Variants in TNNI3K observed in about 807,000 individuals in gnomAD.
The protein encoded by TNNI3K is TNNI3 interacting kinase, also known as serine/threonine-protein kinase TNNI3K.
Under a neutral mutation model 114.5 loss-of-function variants are expected in TNNI3K, and 140 were observed. The ratio of observed to expected loss-of-function variants is 1.22; its 90% CI spans 1.07 to 1.41. TNNI3K has a LOEUF of 1.41. Ranked by LOEUF, TNNI3K falls within the 40% of genes most tolerant of loss-of-function variation. The pLI is 0.00. For synonymous variants in TNNI3K, 347 were observed against 347.5 expected, an observed-to-expected ratio of 1.00 and a Z score of 0.02; for missense variants, 1,125 against 1,007.6, an observed-to-expected ratio of 1.12 and a Z score of -1.58.
intron 4 of TNNI3K, among the ~76,000 whole-genome samples, chr1:74,264,361 G>A (rs1655847138): frequency 6.6e-6 from 1 of 151,916 alleles, no homozygotes; most frequent in Non-Finnish European, 1.5e-5. Context: ...GATGCACGAG[G>A]CAGCTCTAGT....
chr1:74,366,404 A>G (rs752326156), intron 11 of TNNI3K, among the ~76,000 whole-genome samples: 27 of 152,058 alleles, frequency 1.8e-4, no homozygotes, highest in Non-Finnish European at 3.2e-4. Context: ...CTTCACAATC[A>G]TAAGCCCCTA....
chr1:74,356,569 T>TA (rs1241427491), intron 11 of TNNI3K, among the ~76,000 whole-genome samples: 1 of 152,216 alleles, frequency 6.6e-6, no homozygotes, highest in African/African-American at 2.4e-5. Context: ...AGCTTCAGTG[T>TA]AAGACTGTTT....
At chr1:74,257,946 C>A (rs183206643) in intron 4 of TNNI3K, among the ~76,000 whole-genome samples, 1 of 152,114 alleles carries the variant, frequency 6.6e-6, no homozygotes, top group Admixed American at 6.5e-5. Flanking sequence ...GGATTACAGG[C>A]GTGAGCCACC....
chr1:74,415,747 T>TTC (rs1553143562), intron 17 of TNNI3K, among the ~76,000 whole-genome samples: 5 of 151,498 alleles, frequency 3.3e-5, no homozygotes, highest in East Asian at 1.9e-4. Flanking sequence ...GTTTTTTTTT[T>TTC]CCCCAGTGAT....
intron 11 of TNNI3K, among the ~76,000 whole-genome samples, chr1:74,355,648 G>T (rs1462832658): frequency 1.3e-5 from 2 of 151,460 alleles, no homozygotes; most frequent in Non-Finnish European, 1.5e-5. Flanking sequence ...AATAAATAAA[G>T]TGGGATATGA....
At chr1:74,469,658 C>G (rs1345302252) in intron 21 of TNNI3K, 1 of 366,462 alleles carries the variant, frequency 2.7e-6, no homozygotes, top group Non-Finnish European at 4.8e-6. Flanking sequence ...CTTAGAGAAG[C>G]ATACTCAGTT....
At chr1:74,490,361 C>T (rs762253036) in intron 22 of TNNI3K, among the ~76,000 whole-genome samples, 1 of 152,126 alleles carries the variant, frequency 6.6e-6, no homozygotes, top group Non-Finnish European at 1.5e-5. Context: ...ACCTTCAAGA[C>T]TTGAATTTAA....
intron 4 of TNNI3K, among the ~76,000 whole-genome samples, chr1:74,259,514 G>A (rs562360637): frequency 4.6e-5 from 7 of 152,312 alleles, no homozygotes; most frequent in African/African-American, 1.7e-4. Flanking sequence ...GGGCATAGTG[G>A]CTCATGCCTG....
chr1:74,497,943 T>G (rs1669417084), intron 23 of TNNI3K, among the ~76,000 whole-genome samples: 1 of 152,198 alleles, frequency 6.6e-6, no homozygotes, highest in Non-Finnish European at 1.5e-5. Context: ...GCTCTCTCTC[T>G]TCTCAGATGC....
chr1:74,498,544 T>G (rs1280907149), intron 23 of TNNI3K, among the ~76,000 whole-genome samples: 1 of 152,202 alleles, frequency 6.6e-6, no homozygotes, highest in East Asian at 1.9e-4. Context: ...TTAAATATTT[T>G]TATTTATAAT....
intron 2 of TNNI3K, among the ~76,000 whole-genome samples, 182 bp downstream of exon 2, chr1:74,236,392 A>G (rs947487895): frequency 1.3e-5 from 2 of 151,724 alleles, no homozygotes; most frequent in African/African-American, 2.4e-5. Context: ...TGCAAACATA[A>G]CATCTCACCT....
chr1:74,442,226 A>G (rs1199850351), intron 20 of TNNI3K, among the ~76,000 whole-genome samples: 2 of 151,836 alleles, frequency 1.3e-5, no homozygotes, highest in Non-Finnish European at 2.9e-5. Context: ...CAAAACTACT[A>G]TCCTTTCTTA....
chr1:74,376,792 T>C (rs554746682), intron 17 of TNNI3K: 4 of 151,646 alleles, frequency 2.6e-5, no homozygotes, highest in South Asian at 4.2e-4. Context: ...TTACAAACTT[T>C]CCTGAAGAAT....
intron 21 of TNNI3K, chr1:74,475,256 T>C (rs1668135981): frequency 1.1e-5 from 7 of 619,152 alleles, no homozygotes; most frequent in Middle Eastern, 2.5e-4. Context: ...TCAAAAAGAA[T>C]TAAACGGAGT....
At chr1:74,269,305 T>G (rs754406088) in intron 4 of TNNI3K, among the ~76,000 whole-genome samples, 4 of 151,912 alleles carry the variant, frequency 2.6e-5, no homozygotes, top group Non-Finnish European at 5.9e-5. Flanking sequence ...ATAAGCTCTG[T>G]GAGAGCAGCG....
At chr1:74,300,010 T>C (rs1658223171) in intron 5 of TNNI3K, among the ~76,000 whole-genome samples, 1 of 152,200 alleles carries the variant, frequency 6.6e-6, no homozygotes, top group African/African-American at 2.4e-5. Flanking sequence ...ACTTTCTAGC[T>C]AATTTTATAA....
chr1:74,437,914 G>A (rs6665693), intron 19 of TNNI3K, among the ~76,000 whole-genome samples: 91,942 of 151,474 alleles, frequency 0.61, 32,507 homozygotes, highest in East Asian at 0.81. Flanking sequence ...CTAAAAAGCA[G>A]TTAGTTGAGA....
At chr1:74,422,847 G>A (rs1272272685) in intron 17 of TNNI3K, among the ~76,000 whole-genome samples, 2 of 152,106 alleles carry the variant, frequency 1.3e-5, no homozygotes, top group Admixed American at 6.6e-5. Context: ...CAATGTGCTG[G>A]ATAGCTCGTA....
At position 74,446,402 on chromosome 1, in the gene TNNI3K, G is replaced by T. The variant is rs1008516537; in HGVS notation, c.2011+6780G>T. On this transcript the variant is annotated intron_variant, in intron 20 of 24. Transcript: ENST00000326637. ...TGATGGGGTTGTTTGTTTTTTTCTT[G>T]TAAATTTGTTTGAATTCATTGTAGA... Among the ~76,000 whole-genome samples the T allele has an allele frequency of 4.7e-4, 71 of 150,426 alleles. 1 individual carries two copies. In the South Asian group the frequency reaches 0.015, roughly 31 times the overall value.
Sources: gnomAD v4.1 joint callset for allele counts (sites outside exome capture counted in the v4.1 genomes callset) on GRCh38, gnomAD v4.1.1 for gene constraint, MANE v1.5 for transcripts, NCBI Gene and HGNC (gene_info 2026-07-23, HGNC 2026-07-21) for gene names.